Variants in TMEM131L observed in about 807,000 individuals in gnomAD.
TMEM131L encodes the protein transmembrane protein 131-like.
A neutral mutation model predicts 192.2 loss-of-function variants in TMEM131L; 54 were observed. That is an observed-to-expected ratio of 0.28 (90% confidence interval 0.23 to 0.35). The LOEUF is 0.35. Among genes scored for constraint, TMEM131L ranks in the 10% least tolerant of loss-of-function variants. The pLI, the probability that TMEM131L is intolerant of heterozygous loss-of-function variation, is 1.00. For synonymous variants in TMEM131L, 701 were observed against 704.9 expected, an observed-to-expected ratio of 0.99 and a Z score of 0.09; for missense variants, 1,888 against 1,972.9, an observed-to-expected ratio of 0.96 and a Z score of 0.82.
At chr4:153,627,112 A>G (rs1424494131) in intron 30 of TMEM131L, among the ~76,000 whole-genome samples, 1 of 152,168 alleles carries the variant, frequency 6.6e-6, no homozygotes, top group African/African-American at 2.4e-5. Context: ...AAACTTGACT[A>G]GTGCACAGGA....
At chr4:153,581,350 A>C in intron 8 of TMEM131L, 57 bp from the exon 9 acceptor site, 91 of 1,409,878 alleles carry the variant, frequency 6.5e-5, no homozygotes, top group Non-Finnish European at 8.2e-5. Context: ...CATAGTTTGA[A>C]ACCACAAAGT....
In TMEM131L at chr4:153,604,007, A is replaced by G. The variant is rs1386379447; in HGVS notation, c.2995A>G (p.Ser999Gly). ...CAGCACAGCTGCGGCCAGCAGCACCAGCACGACTACTGAGGAAAAACAGAC... is the reference window on the plus strand; with the variant it reads ...CAGCACAGCTGCGGCCAGCAGCACCGGCACGACTACTGAGGAAAAACAGAC... ...KTSTAAASSTSTTTEEKQTSP... is the reference protein window; with the variant it reads ...KTSTAAASSTGTTTEEKQTSP... The change falls in exon 25 of 35, where the codon AGC becomes GGC. Residue 999 changes from serine to glycine, a missense_variant. Ser to Gly is a moderately conservative substitution (Grantham distance 56). Transcript: ENST00000409959. 2 of 1,614,058 alleles carry G rather than the reference A, an allele frequency of 1.2e-6. No homozygotes were observed. Among genetic ancestry groups the G allele is most frequent in the African/African-American group, 1.3e-5 (1 of 74,926 alleles).
At chr4:153,526,629 T>G (rs890059313) in intron 3 of TMEM131L, among the ~76,000 whole-genome samples, 12 of 151,898 alleles carry the variant, frequency 7.9e-5, no homozygotes, top group African/African-American at 2.2e-4. Context: ...TCCCAGCTAC[T>G]CAGGAGGCTG....
In TMEM131L at chr4:153,558,240, C is replaced by G; in HGVS notation, c.550-18C>G. The G allele has an allele frequency of 7.4e-7, 1 of 1,343,050 alleles. No homozygotes were observed. The highest frequency in any genetic ancestry group is 1.1e-6 in the Non-Finnish European group (1 of 941,130). The allele number at this position is 1,343,050 out of a possible 1,614,324, so 83.2% of individuals were successfully genotyped here. On this transcript the variant is annotated intron_variant, in intron 6 of 34. Coordinates refer to ENST00000409959, the MANE Select transcript of TMEM131L (RefSeq NM_001131007.2). The stretch of plus-strand genomic sequence containing the variant: ...TAAAACTCTTAACAGAGGAGCAATT[C>G]TCTCTCTTTTTCCGCAGGTATCTGG...
intron 3 of TMEM131L, among the ~76,000 whole-genome samples, chr4:153,527,138 T>C (rs1735547536): frequency 6.6e-6 from 1 of 152,156 alleles, no homozygotes; most frequent in South Asian, 2.1e-4. Context: ...TACAGTCCAT[T>C]GATGTTTTAG....
chr4:153,625,264 A>G (rs1158637589), intron 29 of TMEM131L, among the ~76,000 whole-genome samples: 1 of 152,056 alleles, frequency 6.6e-6, no homozygotes, highest in Non-Finnish European at 1.5e-5. Flanking sequence ...TTCAAAAACC[A>G]GCTGGGCGTG....
intron 7 of TMEM131L, among the ~76,000 whole-genome samples, chr4:153,561,852 G>A (rs1429614607): frequency 6.6e-6 from 1 of 151,964 alleles, no homozygotes; most frequent in African/African-American, 2.4e-5. Context: ...AACACACACA[G>A]TGTCCCTACT....
intron 7 of TMEM131L, among the ~76,000 whole-genome samples, chr4:153,562,326 G>A (rs1450062394): frequency 6.6e-6 from 1 of 152,056 alleles, no homozygotes. Context: ...ATGAGCCACC[G>A]CACCCAGCCT....
chr4:153,608,217 A>G (rs1210271570), intron 25 of TMEM131L, among the ~76,000 whole-genome samples: 2 of 152,210 alleles, frequency 1.3e-5, no homozygotes, highest in African/African-American at 4.8e-5. Context: ...TAAATAATTA[A>G]TTAAAATTCT....
At chr4:153,534,351 G>A (rs926455759) in intron 3 of TMEM131L, among the ~76,000 whole-genome samples, 5 of 152,194 alleles carry the variant, frequency 3.3e-5, no homozygotes, top group African/African-American at 9.7e-5. Flanking sequence ...ATTGTGGTGT[G>A]GGCTGCAGCT....
intron 11 of TMEM131L, 25 bp from the exon 12 acceptor site, chr4:153,584,810 A>G: frequency 6.4e-7 from 1 of 1,556,288 alleles, no homozygotes; most frequent in South Asian, 1.1e-5. Context: ...CTTAAGCTTC[A>G]CATTTATTTC....
chr4:153,547,353 A>G (rs930566637), intron 3 of TMEM131L, among the ~76,000 whole-genome samples: 7 of 152,250 alleles, frequency 4.6e-5, no homozygotes, highest in African/African-American at 1.4e-4. Context: ...CATTTATTCT[A>G]TAATATTCAG....
At chr4:153,589,215 TAGC>T (rs1730906166) in intron 16 of TMEM131L, among the ~76,000 whole-genome samples, 1 of 152,214 alleles carries the variant, frequency 6.6e-6, no homozygotes, top group Admixed American at 6.5e-5. Flanking sequence ...CTGTAAATCT[TAGC>T]AGTCTCAGCA....
chr4:153,625,599 G>A (rs1270561383), intron 29 of TMEM131L, among the ~76,000 whole-genome samples: 1 of 152,084 alleles, frequency 6.6e-6, no homozygotes. Context: ...AAAAGACAAT[G>A]TATATGTGAA....
At chr4:153,482,799 A>T (rs759681774) in intron 3 of TMEM131L, among the ~76,000 whole-genome samples, 26 of 151,972 alleles carry the variant, frequency 1.7e-4, no homozygotes, top group African/African-American at 6.3e-4. Context: ...AGGTCTTCCT[A>T]TGTTGCCCAC....
At chr4:153,533,918 C>T (rs1204975662) in intron 3 of TMEM131L, among the ~76,000 whole-genome samples, 1 of 152,276 alleles carries the variant, frequency 6.6e-6, no homozygotes, top group African/African-American at 2.4e-5. Context: ...AGAAATATAA[C>T]CAACCTGACA....
At chr4:153,488,108 T>G (rs1369308524) in intron 3 of TMEM131L, among the ~76,000 whole-genome samples, 1 of 149,332 alleles carries the variant, frequency 6.7e-6, no homozygotes, top group African/African-American at 2.5e-5. Context: ...TGTGTGCGTG[T>G]GTGTGTGTGA....
chr4:153,601,959 T>C (rs1453931955), intron 21 of TMEM131L, 193 bp from the exon 22 acceptor site: 3 of 394,310 alleles, frequency 7.6e-6, no homozygotes, highest in African/African-American at 4.2e-5. Context: ...ATCTCTGTTA[T>C]ATCCTAGAAC....
At chr4:153,614,916 G>C (rs1732870374) in intron 26 of TMEM131L, among the ~76,000 whole-genome samples, 1 of 152,168 alleles carries the variant, frequency 6.6e-6, no homozygotes, top group South Asian at 2.1e-4. Context: ...CAGGAGAGGA[G>C]TCATTTTTTC....
Sources: allele counts gnomAD v4.1 joint callset (sites outside exome capture counted in the v4.1 genomes callset), GRCh38; gene constraint gnomAD v4.1.1; transcripts MANE v1.5; gene names NCBI Gene and HGNC (gene_info 2026-07-23, HGNC 2026-07-21).